The following IL1RAPL1 variants were observed in gnomAD, a reference collection of about 807,000 sequenced individuals.
IL1RAPL1 encodes interleukin 1 receptor accessory protein like 1, also known as interleukin-1 receptor accessory protein-like 1.
IL1RAPL1 carries 3 observed loss-of-function variants against 48.4 expected under a neutral mutation model. The ratio of observed to expected loss-of-function variants is 0.06; its 90% CI spans 0.03 to 0.16. The LOEUF is 0.16. IL1RAPL1 is among the 10% of genes least tolerant of loss of function. The probability of loss-of-function intolerance (pLI) is 1.00; values close to 1 mark genes in which losing one functional copy is unlikely to be tolerated. For missense variants in IL1RAPL1, 349 were observed against 530.6 expected (o/e 0.66, Z 3.36); for synonymous variants, 185 against 187.7 (o/e 0.99, Z 0.12).
intron 5 of IL1RAPL1, among the ~76,000 whole-genome samples, chrX:29,435,686 G>C (rs1320778800): frequency 9.1e-6 from 1 of 110,025 alleles, no homozygotes; most frequent in African/African-American, 3.3e-5. Flanking sequence ...CAAAAAGTTG[G>C]CAATGGTTCT....
chrX:28,660,164 A>G lies in IL1RAPL1; in HGVS notation c.-25+72117A>G, dbSNP rs948557885. On this transcript the variant is annotated intron_variant, in intron 1 of 10. Coordinates refer to ENST00000378993, the MANE Select transcript of IL1RAPL1 (RefSeq NM_014271.4). Reference sequence around the variant, plus strand: ...GTTGGAGTTACTGGGTTGCCATTAAACTTAATTGACTCTAGTTATTTCTGT... The same window carrying G: ...GTTGGAGTTACTGGGTTGCCATTAAGCTTAATTGACTCTAGTTATTTCTGT... 5.9e-4 allele frequency among the ~76,000 whole-genome samples: 61 copies of G among 103,700 alleles called. 2 individuals carry two copies. Among genetic ancestry groups the G allele is most frequent in the African/African-American group, 1.8e-3 (52 of 28,203 alleles). The allele number at this position is 103,700 out of a possible 115,157, so 90.1% of individuals were successfully genotyped here. A position where few individuals can be genotyped will look rare whatever the true frequency, so the allele number is the denominator to read the frequency against.
chrX:29,142,344 A>G (rs915693753), intron 2 of IL1RAPL1, among the ~76,000 whole-genome samples: 1 of 111,864 alleles, frequency 8.9e-6, no homozygotes, highest in African/African-American at 3.2e-5. Context: ...ATTGAGTTAC[A>G]TGCTACAAAA....
chrX:29,444,976 TG>T (rs1934595913), intron 5 of IL1RAPL1, among the ~76,000 whole-genome samples: 1 of 112,009 alleles, frequency 8.9e-6, no homozygotes, highest in Non-Finnish European at 1.9e-5. Flanking sequence ...TTGGGGTCAG[TG>T]TTGGAAAAAT....
chrX:29,041,002 C>T (rs1019915141), intron 2 of IL1RAPL1, among the ~76,000 whole-genome samples: 1 of 112,188 alleles, frequency 8.9e-6, no homozygotes, highest in African/African-American at 3.2e-5. Flanking sequence ...GAATTGTCCT[C>T]TTTTATAGTG....
intron 2 of IL1RAPL1, among the ~76,000 whole-genome samples, chrX:28,971,065 A>G (rs916212236): frequency 9.0e-6 from 1 of 111,187 alleles, no homozygotes; most frequent in African/African-American, 3.3e-5. Flanking sequence ...GTTAAGCCAC[A>G]CTGCTTTCCC....
intron 6 of IL1RAPL1, among the ~76,000 whole-genome samples, chrX:29,711,575 TA>T (rs1405435946): frequency 8.9e-6 from 1 of 111,912 alleles, no homozygotes; most frequent in Admixed American, 9.6e-5. Context: ...AAATGATGCT[TA>T]TGAACCAATT....
chrX:29,856,974 G>T (rs1048426059), intron 6 of IL1RAPL1, among the ~76,000 whole-genome samples: 1 of 111,149 alleles, frequency 9.0e-6, no homozygotes, highest in Non-Finnish European at 1.9e-5. Context: ...ATTAAGAAAA[G>T]ATTTGAAAAT....
At chrX:28,997,905 C>T (rs1042298177) in intron 2 of IL1RAPL1, among the ~76,000 whole-genome samples, 1 of 111,597 alleles carries the variant, frequency 9.0e-6, no homozygotes, top group African/African-American at 3.3e-5. Context: ...TTGAAGGGAA[C>T]CAGATGGTGT....
chrX:29,177,273 T>G (rs1336214681), intron 2 of IL1RAPL1, among the ~76,000 whole-genome samples: 8 of 112,056 alleles, frequency 7.1e-5, no homozygotes, highest in South Asian at 7.4e-4. Context: ...TAATCACTTG[T>G]TTTATTGGCT....
chrX:29,545,135 C>T (rs1921575401), intron 5 of IL1RAPL1, among the ~76,000 whole-genome samples: 1 of 110,326 alleles, frequency 9.1e-6, no homozygotes. Context: ...GCTTAAGCCA[C>T]TCAGTCTGTT....
intron 3 of IL1RAPL1, among the ~76,000 whole-genome samples, chrX:29,363,209 A>G (rs1226368544): frequency 2.7e-5 from 3 of 112,123 alleles, no homozygotes; most frequent in African/African-American, 9.7e-5. Context: ...CATAGTACAA[A>G]AAAGGTAACA....
intron 2 of IL1RAPL1, among the ~76,000 whole-genome samples, chrX:29,034,017 A>T (rs1926676034): frequency 8.9e-6 from 1 of 111,916 alleles, no homozygotes; most frequent in Non-Finnish European, 1.9e-5. Flanking sequence ...ATTCCAAATA[A>T]ATCAAATGAG....
chrX:28,880,759 A>G (rs73208062), intron 2 of IL1RAPL1, among the ~76,000 whole-genome samples: 8,895 of 111,132 alleles, frequency 0.08, 351 homozygotes, highest in Non-Finnish European at 0.12. Flanking sequence ...CTAGTCTATC[A>G]TTGCCTTTCA....
intron 2 of IL1RAPL1, among the ~76,000 whole-genome samples, chrX:29,142,603 T>C (rs780277119): frequency 1.8e-5 from 2 of 112,533 alleles, no homozygotes; most frequent in East Asian, 5.6e-4. Context: ...TGGAAAATGT[T>C]AACATTATGG....
chrX:29,155,320 G>A (rs768460937), intron 2 of IL1RAPL1, among the ~76,000 whole-genome samples: 1 of 111,967 alleles, frequency 8.9e-6, no homozygotes, highest in Non-Finnish European at 1.9e-5. Flanking sequence ...TGAAACAAAC[G>A]TGGTATCTTT....
chrX:29,807,322 T>C (rs910108285), intron 6 of IL1RAPL1, among the ~76,000 whole-genome samples: 7 of 110,138 alleles, frequency 6.4e-5, no homozygotes, highest in Middle Eastern at 4.7e-3. Context: ...TATTTAAAAA[T>C]GAAAGGGAAA....
chrX:29,249,240 G>A (rs766205256), intron 2 of IL1RAPL1, among the ~76,000 whole-genome samples: 5 of 111,380 alleles, frequency 4.5e-5, no homozygotes, highest in African/African-American at 1.3e-4. Context: ...ATATCTTATT[G>A]TATGGTCAAC....
Position 28,732,706 on chromosome X carries a change from TA to T in IL1RAPL1, c.-24-56609del, listed in dbSNP as rs1346792262. The stretch of plus-strand genomic sequence containing the variant: ...CCAACATGGTAAAACCCATCTCTAC[TA>T]AAAATACAAAAATTAGCTGGGCATG... On this transcript the variant is annotated intron_variant, in intron 1 of 10. Coordinates refer to ENST00000378993, the MANE Select transcript of IL1RAPL1 (RefSeq NM_014271.4). 2.7e-5 allele frequency among the ~76,000 whole-genome samples: 3 copies of T among 110,586 alleles called. No homozygotes were observed. The East Asian group carries it at 8.5e-4, about 31-fold the overall frequency.
chrX:28,758,814 C>T (rs1035241955), intron 1 of IL1RAPL1, among the ~76,000 whole-genome samples: 7 of 112,073 alleles, frequency 6.2e-5, no homozygotes, highest in African/African-American at 2.3e-4. Flanking sequence ...GAGGCACCCA[C>T]CAAAAATGTC....
Sources: gnomAD v4.1 joint callset for allele counts (sites outside exome capture counted in the v4.1 genomes callset) on GRCh38, gnomAD v4.1.1 for gene constraint, MANE v1.5 for transcripts, NCBI Gene and HGNC (gene_info 2026-07-23, HGNC 2026-07-21) for gene names.